RHOH: variants seen among roughly 807,000 people sequenced by gnomAD.
RHOH encodes the protein ras homolog family member H.
A neutral mutation model predicts 13.8 loss-of-function variants in RHOH; 6 were observed. That is an observed-to-expected ratio of 0.44 (90% confidence interval 0.24 to 0.86). RHOH has a LOEUF of 0.86. Among genes scored for constraint, RHOH ranks in the 40% least tolerant of loss-of-function variants. The pLI is 0.24. For missense variants in RHOH, 147 were observed against 244.5 expected, an observed-to-expected ratio of 0.60 and a Z score of 2.66; for synonymous variants, 117 against 103.0, an observed-to-expected ratio of 1.14 and a Z score of -0.82.
chr4:40,208,083 C>T (rs530288150), intron 1 of RHOH, among the ~76,000 whole-genome samples: 34 of 151,476 alleles, frequency 2.2e-4, no homozygotes, highest in Non-Finnish European at 4.0e-4. Context: ...GACCTGTGAC[C>T]GATCAACCTT....
At position 40,199,513 on chromosome 4, in the gene RHOH, C is replaced by T. The variant is rs115671613; in HGVS notation, c.-331+2213C>T. 3.2e-3 allele frequency among the ~76,000 whole-genome samples: 488 copies of T among 152,240 alleles called. 6 individuals are homozygous for T. Among genetic ancestry groups the T allele is most frequent in the African/African-American group, 0.011 (457 of 41,540 alleles). ...AAACTTGGAAACCGCTATTTTAAGC[C>T]ATTTGGTAACAGTTTCTCTAGCTTA... On this transcript the variant is annotated intron_variant, in intron 1 of 2. Transcript: ENST00000381799.
rs748643871 is a variant in RHOH, at chr4:40,243,656, A to G, written c.270A>G (p.Ser90=). 1 of 1,614,186 alleles carries G rather than the reference A, an allele frequency of 6.2e-7. No homozygotes were observed. Among genetic ancestry groups the G allele is most frequent in the Non-Finnish European group, 8.5e-7 (1 of 1,180,022 alleles). ...LMCYSVANHN[S]FLNLKNKWIG... ...GCTACTCTGTGGCCAACCATAACTCATTCCTGAACTTGAAGAACAAGTGGA... is the reference window on the plus strand; with the variant it reads ...GCTACTCTGTGGCCAACCATAACTCGTTCCTGAACTTGAAGAACAAGTGGA... Residue 90 remains serine (S), a synonymous_variant, in exon 3 of 3, where the codon TCA becomes TCG. Transcript: ENST00000381799. This position sits in a 1 kb window ranked among gnomAD's most constrained non-coding sequence, Gnocchi z 6.2.
chr4:40,201,492 T>C (rs1379129194), intron 1 of RHOH, among the ~76,000 whole-genome samples: 1 of 152,240 alleles, frequency 6.6e-6, no homozygotes, highest in Non-Finnish European at 1.5e-5. Flanking sequence ...AGTGACATTA[T>C]TGACTTCTCT....
At chr4:40,242,674 A>T (rs1255684414) in intron 1 of RHOH, 40 bp from the exon 2 acceptor site, 3 of 152,248 alleles carry the variant, frequency 2.0e-5, no homozygotes, top group African/African-American at 7.2e-5. Flanking sequence ...AAAGAAATGC[A>T]TATAGTATCT....
At chr4:40,219,149 C>T (rs142464698) in intron 1 of RHOH, among the ~76,000 whole-genome samples, 1,869 of 152,094 alleles carry the variant, frequency 0.012, 34 homozygotes, top group African/African-American at 0.042. Context: ...CGGTGGCTCA[C>T]GCCTGTAATC....
intron 1 of RHOH, among the ~76,000 whole-genome samples, chr4:40,223,587 C>T (rs1379653831): frequency 3.3e-5 from 5 of 150,530 alleles, no homozygotes; most frequent in Non-Finnish European, 7.4e-5. Context: ...ACCTCAGCCT[C>T]CTGAGTAGCT....
chr4:40,227,276 C>G (rs1217779548), intron 1 of RHOH, among the ~76,000 whole-genome samples: 1 of 152,190 alleles, frequency 6.6e-6, no homozygotes, highest in African/African-American at 2.4e-5. Context: ...ATAAAGGTTG[C>G]TACTGTGTGA....
Position 40,243,265 on chromosome 4 carries a change from C to G in RHOH, c.-122C>G. On this transcript the variant is annotated 5_prime_UTR_variant, in exon 3 of 3. Transcript: ENST00000381799. The surrounding 1 kb of genome is among the most constrained non-coding windows in gnomAD (Gnocchi z 6.2). ...CATTCTGCAAATCGCCGTCAGAGGTCCTGAGGACACAGACCTACCTGGCTT... is the reference window on the plus strand; with the variant it reads ...CATTCTGCAAATCGCCGTCAGAGGTGCTGAGGACACAGACCTACCTGGCTT... 1 of 767,930 alleles carries G rather than the reference C, an allele frequency of 1.3e-6. No homozygotes were observed. Among genetic ancestry groups the G allele is most frequent in the Non-Finnish European group, 2.1e-6 (1 of 481,816 alleles). 47.6% of individuals were successfully genotyped at this position (767,930 alleles called of 1,614,324 possible). A position where few individuals can be genotyped will look rare whatever the true frequency, so the allele number is the denominator to read the frequency against.
intron 1 of RHOH, among the ~76,000 whole-genome samples, chr4:40,197,751 G>C (rs1362070656): frequency 3.9e-5 from 6 of 152,160 alleles, no homozygotes; most frequent in Admixed American, 3.9e-4. Flanking sequence ...TCTAGCTTGT[G>C]TTTTTCACCT....
chr4:40,205,778 G>A (rs746148793), intron 1 of RHOH: 4 of 152,142 alleles, frequency 2.6e-5, no homozygotes, highest in Non-Finnish European at 4.4e-5. Flanking sequence ...AAAGAGAAAC[G>A]CACTTCATCT....
intron 1 of RHOH, among the ~76,000 whole-genome samples, chr4:40,198,038 T>A (rs1723443575): frequency 6.6e-6 from 1 of 152,318 alleles, no homozygotes; most frequent in African/African-American, 2.4e-5. Context: ...ATAAGAGAAA[T>A]ATTTTAAAAA....
At chr4:40,241,780 C>T (rs1024326299) in intron 1 of RHOH, among the ~76,000 whole-genome samples, 3 of 151,982 alleles carry the variant, frequency 2.0e-5, no homozygotes, top group Non-Finnish European at 2.9e-5. Context: ...GTCCCAGCTA[C>T]TCGGGAGGCT....
chr4:40,219,410 CAAAAA>C (rs35585203), intron 1 of RHOH, among the ~76,000 whole-genome samples: 2 of 92,636 alleles, frequency 2.2e-5, no homozygotes, highest in African/African-American at 9.2e-5. Flanking sequence ...GACTCCATCT[CAAAAA>C]AAAAAAAAAA....
intron 1 of RHOH, among the ~76,000 whole-genome samples, chr4:40,215,700 G>A (rs1336649796): frequency 2.0e-5 from 3 of 152,300 alleles, no homozygotes; most frequent in South Asian, 2.1e-4. Context: ...AGGCCAAGGC[G>A]GGTGGATCAC....
chr4:40,194,779 C>T (rs1017275630), upstream of RHOH, among the ~76,000 whole-genome samples: 2 of 152,154 alleles, frequency 1.3e-5, no homozygotes, highest in Non-Finnish European at 2.9e-5. Context: ...TGCCGCACAC[C>T]CTGGAGTTGC....
chr4:40,203,072 C>T (rs767560358), intron 1 of RHOH, among the ~76,000 whole-genome samples: 6 of 152,058 alleles, frequency 3.9e-5, no homozygotes, highest in South Asian at 2.1e-4. Context: ...CCCGGGTTCA[C>T]GCCATTCTCC....
At chr4:40,228,063 A>G (rs1464185238) in intron 1 of RHOH, among the ~76,000 whole-genome samples, 1 of 152,200 alleles carries the variant, frequency 6.6e-6, no homozygotes, top group African/African-American at 2.4e-5. Flanking sequence ...AAAATAAGGA[A>G]TTATTAAACT....
At chr4:40,234,744 CTTT>C (rs549802852) in intron 1 of RHOH, among the ~76,000 whole-genome samples, 41 of 101,094 alleles carry the variant, frequency 4.1e-4, no homozygotes, top group African/African-American at 1.5e-3. Flanking sequence ...AAATCAGCAT[CTTT>C]TTTTTTTTTT....
intron 1 of RHOH, among the ~76,000 whole-genome samples, chr4:40,231,320 T>TTG (rs796155858): frequency 2.7e-5 from 4 of 147,446 alleles, no homozygotes; most frequent in African/African-American, 1.0e-4. Flanking sequence ...CTTAGGTGAT[T>TTG]TTTTTTTTTT....
Sources: gnomAD v4.1 joint callset for allele counts (sites outside exome capture counted in the v4.1 genomes callset) on GRCh38, gnomAD v4.1.1 for gene constraint, Gnocchi (gnomAD v3.1) non-coding constraint, MANE v1.5 for transcripts, NCBI Gene and HGNC (gene_info 2026-07-23, HGNC 2026-07-21) for gene names.